The following LRPPRC variants were observed in gnomAD, a reference collection of about 807,000 sequenced individuals.
LRPPRC encodes leucine-rich PPR motif-containing protein, mitochondrial.
Under a neutral mutation model 180.3 loss-of-function variants are expected in LRPPRC, and 120 were observed. The observed-to-expected ratio is 0.67, with a 90% CI of 0.57 to 0.77. LRPPRC has a LOEUF of 0.77. Ranked by LOEUF, LRPPRC falls within the 30% of genes least tolerant of loss-of-function variation. The probability of loss-of-function intolerance (pLI) is 0.00; values close to 1 mark genes in which losing one functional copy is unlikely to be tolerated. For synonymous variants in LRPPRC, 723 were observed against 600.0 expected, an observed-to-expected ratio of 1.21 and a Z score of -3.00; for missense variants, 2,012 against 1,657.2, an observed-to-expected ratio of 1.21 and a Z score of -3.72.
intron 22 of LRPPRC, among the ~76,000 whole-genome samples, chr2:43,944,791 T>C (rs1672616781): frequency 6.6e-6 from 1 of 152,050 alleles, no homozygotes. Flanking sequence ...AACGAGAAAA[T>C]TTGAGTATGC....
intron 12 of LRPPRC, among the ~76,000 whole-genome samples, chr2:43,963,290 C>CAT (rs1478554779): frequency 1.3e-5 from 2 of 152,022 alleles, no homozygotes; most frequent in East Asian, 3.9e-4. Context: ...ACTAAAAATA[C>CAT]AAAATTAGCT....
chr2:43,947,545 G>C (rs2105085578), intron 19 of LRPPRC, among the ~76,000 whole-genome samples, 175 bp from the exon 20 acceptor site: 1 of 152,104 alleles, frequency 6.6e-6, no homozygotes, highest in Non-Finnish European at 1.5e-5. Context: ...CAAACCTTCT[G>C]AGATTATATG....
chr2:43,988,827 G>C (rs1674648999), intron 1 of LRPPRC, among the ~76,000 whole-genome samples: 1 of 152,042 alleles, frequency 6.6e-6, no homozygotes, highest in African/African-American at 2.4e-5. Context: ...ACAGGCATGA[G>C]CCACCACGCC....
chr2:43,940,868 A>G (rs1274225738), intron 23 of LRPPRC, among the ~76,000 whole-genome samples: 2 of 152,172 alleles, frequency 1.3e-5, no homozygotes, highest in African/African-American at 2.4e-5. Context: ...TCCATGAATC[A>G]GGCATGATTT....
chr2:43,974,803 T>C, intron 7 of LRPPRC, 45 bp from the exon 8 acceptor site: 1 of 1,569,610 alleles, frequency 6.4e-7, no homozygotes, highest in Non-Finnish European at 8.8e-7. Flanking sequence ...AGAGTGTTTT[T>C]ATTTAAGTAT....
At chr2:43,902,716 A>G (rs2104995617) in intron 31 of LRPPRC, 1 of 152,320 alleles carries the variant, frequency 6.6e-6, no homozygotes, top group African/African-American at 2.4e-5. Flanking sequence ...ACTATTTAAA[A>G]ATATTTATAA....
At chr2:43,909,646 A>G (rs1445073504) in intron 30 of LRPPRC, among the ~76,000 whole-genome samples, 2 of 138,506 alleles carry the variant, frequency 1.4e-5, no homozygotes, top group Non-Finnish European at 3.1e-5. Context: ...TAATAATAAT[A>G]ATATTGAGGG....
chr2:43,910,898 ATTT>A (rs1171437147), intron 30 of LRPPRC, among the ~76,000 whole-genome samples: 24 of 152,032 alleles, frequency 1.6e-4, no homozygotes, highest in Admixed American at 1.5e-3. Context: ...TCAAAATCTA[ATTT>A]TTTTTAAGTT....
At chr2:43,925,683 A>G (rs1290927810) in intron 26 of LRPPRC, among the ~76,000 whole-genome samples, 3 of 152,298 alleles carry the variant, frequency 2.0e-5, no homozygotes, top group East Asian at 1.9e-4. Context: ...GTTAAAGATA[A>G]TATCATCAGG....
In LRPPRC at chr2:43,974,683, T is replaced by C. The variant is rs756580072; in HGVS notation, c.940A>G (p.Lys314Glu). The C allele has an allele frequency of 6.2e-7, 1 of 1,612,778 alleles. No homozygotes were observed. Among genetic ancestry groups the C allele is most frequent in the East Asian group, 2.2e-5 (1 of 44,836 alleles). Residue 314 changes from lysine (K) to glutamate (E), a missense_variant, in exon 8 of 38, where the codon AAA (lysine) becomes GAA (glutamate). Lys to Glu is a moderately conservative substitution (Grantham distance 56). Coordinates refer to ENST00000260665, the MANE Select transcript of LRPPRC (RefSeq NM_133259.4). ...DLLQIIFSFS[K>E]AGYPQYVSEI... is the part of the protein sequence containing the mutation. ...GAGACATACTGAGGATACCCAGCTT[T>C]ACTGAAGCTAAAAATAATTTGCAGT...
At chr2:43,993,418 G>T (rs1412370214) in intron 1 of LRPPRC, among the ~76,000 whole-genome samples, 2 of 152,168 alleles carry the variant, frequency 1.3e-5, no homozygotes, top group African/African-American at 4.8e-5. Context: ...AAATCAATAA[G>T]ATAATAATGG....
At chr2:43,952,786 G>T (rs1672955882) in intron 14 of LRPPRC, among the ~76,000 whole-genome samples, 4 of 152,142 alleles carry the variant, frequency 2.6e-5, no homozygotes, top group Admixed American at 2.6e-4. Context: ...AAATTCCACA[G>T]TCCCCTAAAA....
rs1673238687 is a variant in LRPPRC, at chr2:43,959,198, T to C, written c.1582+1343A>G. The C allele has an allele frequency of 5.6e-6, 4 of 716,580 alleles. No individual in the cohort carries two copies. In the Admixed American group the frequency reaches 8.0e-5, roughly 14 times the overall value. 44.4% of individuals were successfully genotyped at this position (716,580 alleles called of 1,614,324 possible). On this transcript the variant is annotated intron_variant, in intron 13 of 37. Coordinates refer to ENST00000260665, the MANE Select transcript of LRPPRC (RefSeq NM_133259.4). ...ATTCCTCTGCTAATGCTTCTCTGTT[T>C]TCTTCTTGTCAGATTGGAAAATCTA...
Position 43,973,629 on chromosome 2 carries a change from A to G in LRPPRC, c.1347T>C (p.Arg449=). ...PHYFWPLLVG[R]RKEKNVQGII... is the part of the protein sequence containing the mutation. ...AACCTTGAACATTTTTTTCCTTCCG[A>G]CGTCCAACTAGCAATGGCCAGAAAT... The change falls in exon 11 of 38, where the codon CGT becomes CGC. Residue 449 remains arginine (R), a synonymous_variant. Transcript: ENST00000260665. 1 of 1,613,618 alleles carries G rather than the reference A, an allele frequency of 6.2e-7. No homozygotes were observed. The highest frequency in any genetic ancestry group is 8.5e-7 in the Non-Finnish European group (1 of 1,179,518).
intron 29 of LRPPRC, among the ~76,000 whole-genome samples, chr2:43,916,712 G>A (rs552896792): frequency 3.2e-4 from 49 of 152,202 alleles, no homozygotes; most frequent in African/African-American, 1.1e-3. Flanking sequence ...CCAACACTTC[G>A]TGAGGCCGAG....
chr2:43,934,052 C>T lies in LRPPRC; in HGVS notation c.2736+138G>A, dbSNP rs1572938333. 1.6e-5 allele frequency: 10 copies of T among 628,748 alleles called. No individual in the cohort carries two copies. In the East Asian group the frequency reaches 2.8e-4, roughly 18 times the overall value. The allele number at this position is 628,748 out of a possible 1,614,324, so 38.9% of individuals were successfully genotyped here. On this transcript the variant is annotated intron_variant, in intron 25 of 37. Transcript: ENST00000260665. ...ACAATAAAGAAGCTGGCCGAGATCC[C>T]CCTCCCCCAACATTACTGGGATTGA...
intron 1 of LRPPRC, 112 bp downstream of exon 1, chr2:43,995,686 TG>T: frequency 3.7e-6 from 4 of 1,070,358 alleles, no homozygotes; most frequent in South Asian, 2.4e-5. Context: ...GGCTAGGTCC[TG>T]GGGCGGGGAG....
chr2:43,912,233 G>C lies in LRPPRC; in HGVS notation c.3275+199C>G, dbSNP rs114082760. ...CTTAGTAAGCAAAATGTACTGCACT[G>C]TATATGGCCAGTAAAGGTGTTTTTT... On this transcript the variant is annotated intron_variant, in intron 30 of 37. Transcript: ENST00000260665. Among the ~76,000 whole-genome samples the C allele has an allele frequency of 2.0e-5, 3 of 152,124 alleles. No individual in the cohort carries two copies. The East Asian group carries it at 5.8e-4, about 29-fold the overall frequency.
At chr2:43,908,279 T>G (rs1235399427) in intron 30 of LRPPRC, among the ~76,000 whole-genome samples, 1 of 152,188 alleles carries the variant, frequency 6.6e-6, no homozygotes, top group Non-Finnish European at 1.5e-5. Flanking sequence ...AATCAGTGGT[T>G]TCCCTCCCTT....
Sources: allele counts gnomAD v4.1 joint callset (sites outside exome capture counted in the v4.1 genomes callset), GRCh38; gene constraint gnomAD v4.1.1; transcripts MANE v1.5; gene names NCBI Gene and HGNC (gene_info 2026-07-23, HGNC 2026-07-21).